PARD3B: variants seen among roughly 807,000 people sequenced by gnomAD.
PARD3B encodes partitioning defective 3 homolog B.
A neutral mutation model predicts 130.2 loss-of-function variants in PARD3B; 103 were observed. That is an observed-to-expected ratio of 0.79 (90% confidence interval 0.67 to 0.93). The LOEUF is 0.93. Among genes scored for constraint, PARD3B ranks in the 40% least tolerant of loss-of-function variants. The probability of loss-of-function intolerance (pLI) is 0.00; values close to 1 mark genes in which losing one functional copy is unlikely to be tolerated. For missense variants in PARD3B, 1,609 were observed against 1,499.2 expected, an observed-to-expected ratio of 1.07 and a Z score of -1.21; for synonymous variants, 583 against 553.2, an observed-to-expected ratio of 1.05 and a Z score of -0.76.
At chr2:205,346,521 G>A (rs2105829115) in intron 18 of PARD3B, among the ~76,000 whole-genome samples, 1 of 152,256 alleles carries the variant, frequency 6.6e-6, no homozygotes, top group Non-Finnish European at 1.5e-5. Flanking sequence ...GCTTCCCCTG[G>A]CTTACTGTGC....
intron 3 of PARD3B, among the ~76,000 whole-genome samples, chr2:205,036,954 G>A (rs1275228921): frequency 6.8e-6 from 1 of 147,520 alleles, no homozygotes; most frequent in Non-Finnish European, 1.5e-5. Context: ...TATATATAAA[G>A]AACATATATA....
chr2:204,923,055 G>C (rs1290700820), intron 2 of PARD3B, among the ~76,000 whole-genome samples: 1 of 152,026 alleles, frequency 6.6e-6, no homozygotes, highest in South Asian at 2.1e-4. Context: ...AGCTACCTCT[G>C]ACTGCTTTGT....
At chr2:205,549,983 A>G (rs558014276) in intron 21 of PARD3B, among the ~76,000 whole-genome samples, 1 of 152,338 alleles carries the variant, frequency 6.6e-6, no homozygotes, top group African/African-American at 2.4e-5. Context: ...TGGTGGTAAC[A>G]GCAATAGCCA....
chr2:204,690,551 G>A (rs2037308796), intron 2 of PARD3B, among the ~76,000 whole-genome samples: 1 of 152,098 alleles, frequency 6.6e-6, no homozygotes, highest in Non-Finnish European at 1.5e-5. Context: ...TGGAGAAGGT[G>A]CCACCAGCGA....
chr2:204,994,169 G>A (rs1021139147), intron 3 of PARD3B, among the ~76,000 whole-genome samples: 11 of 139,894 alleles, frequency 7.9e-5, no homozygotes, highest in Non-Finnish European at 1.6e-4. Context: ...TAATTGTGAT[G>A]TTAGGGTGTC....
At chr2:204,867,075 AAAAATAAATAAAT>A (rs2045453640) in intron 2 of PARD3B, among the ~76,000 whole-genome samples, 1 of 152,164 alleles carries the variant, frequency 6.6e-6, no homozygotes, top group African/African-American at 2.4e-5. Context: ...CTCTGTCGCA[AAAAATAAATAAAT>A]AAAATAAAAT....
Position 205,253,849 on chromosome 2 carries a change from G to T in PARD3B, c.2185+8027G>T, listed in dbSNP as rs1259450161. Among the ~76,000 whole-genome samples, 1 of 152,052 alleles carries T rather than the reference G, an allele frequency of 6.6e-6. No homozygotes were observed. The highest frequency in any genetic ancestry group is 1.5e-5 in the Non-Finnish European group (1 of 67,986). ...GTGAGAAGCTTCAATTGAGAAAGCT[G>T]CTGAGAAAGTAGAATTCATAGTGGA... is the stretch of plus-strand genomic sequence containing the variant. On this transcript the variant is annotated intron_variant, in intron 16 of 22. Transcript: ENST00000406610. The surrounding 1 kb of genome is among the most constrained non-coding windows in gnomAD (Gnocchi z 4.4).
chr2:204,826,670 A>T (rs1025250346), intron 2 of PARD3B, among the ~76,000 whole-genome samples: 4 of 152,120 alleles, frequency 2.6e-5, no homozygotes, highest in Admixed American at 1.3e-4. Context: ...TTCCACATAT[A>T]TATGTGAAAA....
chr2:205,130,071 T>G (rs2031855946), intron 10 of PARD3B, among the ~76,000 whole-genome samples: 2 of 152,226 alleles, frequency 1.3e-5, no homozygotes, highest in South Asian at 4.1e-4. Flanking sequence ...TTTAGCTGTT[T>G]CTAGTATCTT....
intron 22 of PARD3B, among the ~76,000 whole-genome samples, chr2:205,599,373 C>A (rs1339882921): frequency 1.3e-5 from 2 of 152,142 alleles, no homozygotes; most frequent in Non-Finnish European, 2.9e-5. Flanking sequence ...ACACAGTTCC[C>A]AAAAGACTGA....
intron 19 of PARD3B, among the ~76,000 whole-genome samples, chr2:205,439,676 A>G (rs1427142693): frequency 1.3e-5 from 2 of 152,196 alleles, no homozygotes; most frequent in South Asian, 2.1e-4. Context: ...GAGTTCTGCC[A>G]GTAATGGTGT....
At position 205,441,033 on chromosome 2, in the gene PARD3B, G is replaced by A. The variant is rs568227655; in HGVS notation, c.3044+361G>A. 4.1e-4 allele frequency among the ~76,000 whole-genome samples: 63 copies of A among 152,304 alleles called. 1 individual carries two copies. The highest frequency in any genetic ancestry group is 1.3e-3 in the African/African-American group (56 of 41,558). ...TCAGGAAGATGGCATGGCACATGGA[G>A]GTGGAGAGTCAGAAAAGAGAAGATG... is the stretch of plus-strand genomic sequence containing the variant. On this transcript the variant is annotated intron_variant, in intron 20 of 22. Coordinates refer to ENST00000406610, the MANE Select transcript of PARD3B (RefSeq NM_001302769.2).
chr2:204,592,078 A>G (rs1263986881), intron 1 of PARD3B, among the ~76,000 whole-genome samples: 2 of 152,266 alleles, frequency 1.3e-5, no homozygotes, highest in African/African-American at 2.4e-5. Flanking sequence ...TATGGTTGCA[A>G]TGCAGACCTG....
intron 4 of PARD3B, among the ~76,000 whole-genome samples, chr2:205,057,398 ATG>A (rs1307449929): frequency 7.3e-6 from 1 of 136,358 alleles, no homozygotes; most frequent in Non-Finnish European, 1.6e-5. Context: ...ATACATGTAT[ATG>A]TGTTATATAC....
intron 2 of PARD3B, among the ~76,000 whole-genome samples, chr2:204,936,687 T>C (rs1382596889): frequency 2.0e-5 from 3 of 152,248 alleles, no homozygotes. Context: ...AGTCAATCTC[T>C]TAACCACTGT....
At chr2:205,102,978 G>A (rs1347619300) in intron 4 of PARD3B, among the ~76,000 whole-genome samples, 2 of 152,086 alleles carry the variant, frequency 1.3e-5, no homozygotes, top group Non-Finnish European at 2.9e-5. Flanking sequence ...TGAGCCAGGA[G>A]AATGGCATGA....
In PARD3B at chr2:205,091,768, G is replaced by A. The variant is rs1371379189; in HGVS notation, c.505-12658G>A. 1.3e-5 allele frequency among the ~76,000 whole-genome samples: 2 copies of A among 151,926 alleles called. No homozygotes were observed. The highest frequency in any genetic ancestry group is 2.9e-5 in the Non-Finnish European group (2 of 67,956). ...GAACATGCAAAGGGGAACAGTAGACGGGCCATTCATTAGTATCTTCTCTCC... is the reference window on the plus strand; with the variant it reads ...GAACATGCAAAGGGGAACAGTAGACAGGCCATTCATTAGTATCTTCTCTCC... On this transcript the variant is annotated intron_variant, in intron 4 of 22. Transcript: ENST00000406610. This position sits in a 1 kb window ranked among gnomAD's most constrained non-coding sequence, Gnocchi z 4.2.
intron 1 of PARD3B, among the ~76,000 whole-genome samples, chr2:204,586,446 A>G (rs1041474811): frequency 2.0e-5 from 3 of 152,222 alleles, no homozygotes; most frequent in African/African-American, 7.2e-5. Context: ...GGATGTAGCT[A>G]CTTAAACACT....
intron 21 of PARD3B, among the ~76,000 whole-genome samples, chr2:205,534,630 G>A (rs899743359): frequency 2.6e-5 from 4 of 151,998 alleles, no homozygotes; most frequent in Non-Finnish European, 5.9e-5. Context: ...AACCACACCC[G>A]GTTAATTTTT....
Sources: allele counts gnomAD v4.1 joint callset (sites outside exome capture counted in the v4.1 genomes callset), GRCh38; gene constraint gnomAD v4.1.1; non-coding constraint Gnocchi (gnomAD v3.1); transcripts MANE v1.5; gene names NCBI Gene and HGNC (gene_info 2026-07-23, HGNC 2026-07-21).